Variants in ADA2 observed in about 807,000 individuals in gnomAD.
The protein encoded by ADA2 is adenosine deaminase 2.
A neutral mutation model predicts 44.2 loss-of-function variants in ADA2; 29 were observed. The ratio of observed to expected loss-of-function variants is 0.66; its 90% CI spans 0.49 to 0.89. The LOEUF (loss-of-function observed/expected upper bound fraction) is 0.89. Among genes scored for constraint, ADA2 ranks in the 40% least tolerant of loss-of-function variants. The pLI, the probability that ADA2 is intolerant of heterozygous loss-of-function variation, is 0.00. For synonymous variants in ADA2, 215 were observed against 234.9 expected (o/e 0.92, Z 0.77); for missense variants, 637 against 644.8 (o/e 0.99, Z 0.13).
intron 4 of ADA2, among the ~76,000 whole-genome samples, chr22:17,192,053 G>A (rs1040701203): frequency 6.6e-6 from 1 of 152,106 alleles, no homozygotes; most frequent in African/African-American, 2.4e-5. Context: ...ATGGGGTCAG[G>A]GGACCCACAA....
Position 17,207,310 on chromosome 22 carries a change from G to A in ADA2, c.323-20C>T. 6.4e-7 allele frequency: 1 copy of A among 1,572,976 alleles called. No homozygotes were observed. The highest frequency in any genetic ancestry group is 1.1e-5 in the South Asian group (1 of 89,392). On this transcript the variant is annotated intron_variant, in intron 2 of 9. Transcript: ENST00000399837. ...CAGCCCCTGGAGAGGGAAGAAGAAT[G>A]GTGAAGACAAAGGGGTGAAGTCCCA...
intron 1 of ADA2, among the ~76,000 whole-genome samples, chr22:17,212,389 C>T (rs1400078890): frequency 1.3e-5 from 2 of 151,646 alleles, no homozygotes; most frequent in African/African-American, 4.8e-5. Flanking sequence ...CTGAGCCTCC[C>T]AGCTCCTGAG....
At chr22:17,184,016 T>C (rs1485689671) in intron 7 of ADA2, among the ~76,000 whole-genome samples, 2 of 126,010 alleles carry the variant, frequency 1.6e-5, no homozygotes, top group East Asian at 5.1e-4. Context: ...TGGAGTGCAG[T>C]GGTGCAGTCT....
rs796810449 is a variant in ADA2 at position 17,209,927 on chromosome 22, G to C, written c.-46-204C>G. On this transcript the variant is annotated intron_variant, in intron 1 of 9. Coordinates refer to ENST00000399837, the MANE Select transcript of ADA2 (RefSeq NM_001282225.2). ...TTTTTTTGAGACGGAGTCTCGCTCT[G>C]CTGCCCAGGCTGGAGCACGGTGGTG... is the stretch of plus-strand genomic sequence containing the variant. 2.7e-5 allele frequency: 12 copies of C among 447,636 alleles called. No homozygotes were observed. In the East Asian group the frequency reaches 4.0e-4, roughly 15 times the overall value. The allele number at this position is 447,636 out of a possible 1,614,324, so 27.7% of individuals were successfully genotyped here.
intron 1 of ADA2, among the ~76,000 whole-genome samples, 138 bp downstream of exon 1, chr22:17,219,190 TTTTCAAAAGCCTGTTGGGAGAAAGCCTG>T (rs1568994945): frequency 3.3e-5 from 5 of 152,172 alleles, no homozygotes; most frequent in Non-Finnish European, 4.4e-5. Context: ...CTTGGGCCCA[TTTTCAAAAGCCTGTTGGGAGAAAGCCTG>T]TTACTCCTCC....
At chr22:17,212,510 G>T (rs1179638384) in intron 1 of ADA2, among the ~76,000 whole-genome samples, 1 of 151,872 alleles carries the variant, frequency 6.6e-6, no homozygotes, top group Non-Finnish European at 1.5e-5. Context: ...CTGACCTCAG[G>T]TGATCCTCCT....
intron 1 of ADA2, among the ~76,000 whole-genome samples, chr22:17,214,622 G>A (rs1315661406): frequency 1.3e-5 from 2 of 152,116 alleles, no homozygotes; most frequent in African/African-American, 4.8e-5. Context: ...TCTAGCTTGG[G>A]GCCTATGCTG....
rs1467816239 is a variant in ADA2, at chr22:17,209,398, C to G, written c.280G>C (p.Glu94Gln). Residue 94 changes from glutamate to glutamine, a missense_variant, in exon 2 of 10, where the codon GAG becomes CAG. Coordinates refer to ENST00000399837, the MANE Select transcript of ADA2 (RefSeq NM_001282225.2). ...AGAATATTAAACACTTGACTTCTCTCAATGAGATGCTTGGCCTGGAAAAAG... is the reference window on the plus strand; with the variant it reads ...AGAATATTAAACACTTGACTTCTCTGAATGAGATGCTTGGCCTGGAAAAAG... ...MHFFQAKHLIERSQVFNILRM... is the reference protein window; with the variant it reads ...MHFFQAKHLIQRSQVFNILRM... The G allele has an allele frequency of 1.3e-5, 21 of 1,613,980 alleles. No individual in the cohort carries two copies. The highest frequency in any genetic ancestry group is 1.8e-5 in the Non-Finnish European group (21 of 1,180,024).
In ADA2 at chr22:17,181,492, A is replaced by G; in HGVS notation, c.1527T>C (p.Ala509=). 1 of 1,609,830 alleles carries G rather than the reference A, an allele frequency of 6.2e-7. No individual in the cohort carries two copies. The highest frequency in any genetic ancestry group is 1.3e-5 in the African/African-American group (1 of 74,948). ...GCTGGCTAGCTTCTCCTCACTTTGT[A>G]GCCACATCTGCTATGAACTTATCCC... ...KRWDKFIADV[A]TK is the part of the protein sequence containing the mutation. The change falls in exon 10 of 10, where the codon GCT becomes GCC. Residue 509 remains alanine (A), a synonymous_variant. Coordinates refer to ENST00000399837, the MANE Select transcript of ADA2 (RefSeq NM_001282225.2).
At chr22:17,218,762 T>C (rs1309604343) in intron 1 of ADA2, among the ~76,000 whole-genome samples, 3 of 152,212 alleles carry the variant, frequency 2.0e-5, no homozygotes, top group African/African-American at 7.2e-5. Flanking sequence ...TTATTCACAA[T>C]TTATTGCTAT....
At chr22:17,203,131 A>T (rs1190565250) in intron 4 of ADA2, among the ~76,000 whole-genome samples, 1 of 152,136 alleles carries the variant, frequency 6.6e-6, no homozygotes, top group African/African-American at 2.4e-5. Context: ...ATGTTACTGA[A>T]ACTGCTCAAA....
intron 4 of ADA2, chr22:17,199,446 T>TCCCACCCCTCCTCTATCCTCTTCCCCA: frequency 3.3e-5 from 30 of 917,578 alleles, no homozygotes; most frequent in Non-Finnish European, 4.2e-5. Flanking sequence ...CCTCTTCCCC[T>TCCCACCCCTCCTCTATCCTCTTCCCCA]CCACCCACGA....
intron 4 of ADA2, among the ~76,000 whole-genome samples, chr22:17,203,074 G>A (rs2062310247): frequency 6.6e-6 from 1 of 151,940 alleles, no homozygotes; most frequent in Admixed American, 6.6e-5. Flanking sequence ...ATGCCCGGCC[G>A]TCTATTTCAT....
chr22:17,204,957 G>C (rs1443959651), intron 3 of ADA2, among the ~76,000 whole-genome samples: 1 of 151,548 alleles, frequency 6.6e-6, no homozygotes, highest in African/African-American at 2.4e-5. Context: ...CACCACATCT[G>C]GTTAATTTTT....
At chr22:17,210,421 C>G (rs1034623464) in intron 1 of ADA2, among the ~76,000 whole-genome samples, 6 of 151,572 alleles carry the variant, frequency 4.0e-5, no homozygotes, top group African/African-American at 1.5e-4. Context: ...AACTCCTGAC[C>G]TCAGGTGATC....
intron 1 of ADA2, among the ~76,000 whole-genome samples, chr22:17,217,939 T>C (rs1042696754): frequency 5.3e-5 from 8 of 152,304 alleles, no homozygotes; most frequent in Admixed American, 2.0e-4. Context: ...AGCCTCAAAT[T>C]AGTATCATTC....
intron 4 of ADA2, among the ~76,000 whole-genome samples, chr22:17,195,019 T>C (rs2062172333): frequency 6.6e-6 from 1 of 152,054 alleles, no homozygotes; most frequent in Admixed American, 6.6e-5. Context: ...ACCAGCCTTA[T>C]AAAATTGCCC....
At chr22:17,191,095 G>C (rs375267311) in intron 5 of ADA2, among the ~76,000 whole-genome samples, 1 of 152,244 alleles carries the variant, frequency 6.6e-6, no homozygotes, top group African/African-American at 2.4e-5. Flanking sequence ...CCTTAGACTG[G>C]CTGCTCTTTA....
At position 17,180,794 on chromosome 22, in the gene ADA2, C is replaced by G. The variant is rs2061959712; in HGVS notation, c.*689G>C. ...AAGCAAAGGAATGGATGAGACCACC[C>G]AGGAAAAGTGTACAGAGAGAGAAGA... On this transcript the variant is annotated 3_prime_UTR_variant, in exon 10 of 10. Transcript: ENST00000399837. The G allele has an allele frequency of 6.6e-6, 1 of 152,044 alleles. No individual in the cohort carries two copies. Among genetic ancestry groups the G allele is most frequent in the Middle Eastern group, 3.2e-3 (1 of 316 alleles). 9.4% of individuals were successfully genotyped at this position (152,044 alleles called of 1,614,324 possible).
Sources: allele counts gnomAD v4.1 joint callset (sites outside exome capture counted in the v4.1 genomes callset), GRCh38; gene constraint gnomAD v4.1.1; transcripts MANE v1.5; gene names NCBI Gene and HGNC (gene_info 2026-07-23, HGNC 2026-07-21).